Variants in PCDHGB2 observed in about 807,000 individuals in gnomAD.
The protein encoded by PCDHGB2 is protocadherin gamma-B2.
In PCDHGB2, 55 loss-of-function variants were observed where a neutral mutation model predicts 59.3. That is an observed-to-expected ratio of 0.93 (90% CI 0.75 to 1.16). The LOEUF (loss-of-function observed/expected upper bound fraction) is 1.16, where lower values mean the gene tolerates loss of function less well. PCDHGB2 is among the 50% of genes most tolerant of loss of function. The pLI, the probability that PCDHGB2 is intolerant of heterozygous loss-of-function variation, is 0.00. For missense variants in PCDHGB2, 1,228 were observed against 1,198.5 expected (o/e 1.02, Z -0.36); for synonymous variants, 516 against 512.0 (o/e 1.01, Z -0.11).
rs575694126 is a variant in PCDHGB2 at position 141,399,993 on chromosome 5, G to A, written c.2421+37437G>A. 3.1e-5 allele frequency: 50 copies of A among 1,612,336 alleles called. 1 individual carries two copies. Among genetic ancestry groups the A allele is most frequent in the Middle Eastern group, 1.8e-4 (1 of 5,462 alleles). On this transcript the variant is annotated intron_variant, in intron 1 of 3. Transcript: ENST00000522605. ...GCCTGGGGCTGCGCACAGGAGAGGT[G>A]CGCACAGCGCGTGCCTTGGGCGACA...
intron 1 of PCDHGB2, chr5:141,376,743 G>A (rs894394205): frequency 9.7e-5 from 48 of 493,300 alleles, no homozygotes; most frequent in Non-Finnish European, 1.5e-4. Flanking sequence ...GCGGACTGCA[G>A]TGGCGCAATC....
intron 2 of PCDHGB2, among the ~76,000 whole-genome samples, chr5:141,503,518 G>A (rs576791899): frequency 6.7e-6 from 1 of 149,524 alleles, no homozygotes; most frequent in East Asian, 2.0e-4. Flanking sequence ...AGAATCACTT[G>A]AACCTGGGAG....
At chr5:141,418,641 T>C in intron 1 of PCDHGB2, 3 of 1,614,028 alleles carry the variant, frequency 1.9e-6, no homozygotes, top group Non-Finnish European at 2.5e-6. Flanking sequence ...GGCACCTCCA[T>C]CCTGAGAGTG....
At chr5:141,495,974 CTCTT>C (rs1562171251) in intron 2 of PCDHGB2, among the ~76,000 whole-genome samples, 2 of 152,032 alleles carry the variant, frequency 1.3e-5, no homozygotes, top group Non-Finnish European at 1.5e-5. Context: ...TTCTCTGTTA[CTCTT>C]TCTTTATCTC....
At chr5:141,366,160 G>T in intron 1 of PCDHGB2, 1 of 1,614,118 alleles carries the variant, frequency 6.2e-7, no homozygotes, top group Non-Finnish European at 8.5e-7. Flanking sequence ...GCCTGCTTAA[G>T]GCCAGCGAGC....
At chr5:141,389,542 G>C in intron 1 of PCDHGB2, 1 of 1,613,198 alleles carries the variant, frequency 6.2e-7, no homozygotes, top group Non-Finnish European at 8.5e-7. Flanking sequence ...GTGGACGACC[G>C]CAACGACAAT....
At chr5:141,392,632 C>A in intron 1 of PCDHGB2, 1 of 610,258 alleles carries the variant, frequency 1.6e-6, no homozygotes, top group Non-Finnish European at 2.7e-6. Context: ...ACTCAGATCT[C>A]ACACCTCACG....
chr5:141,399,002 C>A (rs1415503184), intron 1 of PCDHGB2: 2 of 1,613,830 alleles, frequency 1.2e-6, no homozygotes, highest in South Asian at 2.2e-5. Flanking sequence ...AGTCTGAATT[C>A]AAAGAGCGGA....
At chr5:141,399,937 G>C in intron 1 of PCDHGB2, 1 of 1,612,360 alleles carries the variant, frequency 6.2e-7, no homozygotes, top group African/African-American at 1.3e-5. Flanking sequence ...GTCCTACCAC[G>C]TGCTGCAGGC....
chr5:141,438,638 A>G (rs1192725978), intron 1 of PCDHGB2, among the ~76,000 whole-genome samples: 1 of 22,806 alleles, frequency 4.4e-5, no homozygotes, highest in East Asian at 1.6e-3. Flanking sequence ...ATATATATAC[A>G]CACACACACA....
Position 141,360,940 on chromosome 5 carries a change from C to T in PCDHGB2, c.805C>T (p.Arg269Trp). The change falls in exon 1 of 4, where the codon CGG becomes TGG. Residue 269 changes from arginine (R) to tryptophan (W), a missense_variant. Arg to Trp is a moderately radical substitution (Grantham distance 101). Around this residue, in one of 3 missense-constraint regions of PCDHGB2, gnomAD observed 781 missense variants for 721.6 expected, o/e 1.08. Coordinates refer to ENST00000522605, the MANE Select transcript of PCDHGB2 (RefSeq NM_018923.3). ...TGTGCTTCAAGTGACAGCCACCGAC[C>T]GGGATGAAGGCATAAACGCAGAGAT... ...FFVLQVTATD[R>W]DEGINAEITY... is the part of the protein sequence containing the mutation. The T allele has an allele frequency of 3.1e-6, 5 of 1,613,890 alleles. No homozygotes were observed. The highest frequency in any genetic ancestry group is 4.2e-6 in the Non-Finnish European group (5 of 1,179,884).
At chr5:141,375,623 C>G in intron 1 of PCDHGB2, 5 of 1,614,244 alleles carry the variant, frequency 3.1e-6, no homozygotes, top group Non-Finnish European at 3.4e-6. Flanking sequence ...CACTGGGATT[C>G]TGTACGCCCT....
intron 1 of PCDHGB2, chr5:141,410,024 G>A (rs771946302): frequency 1.9e-6 from 3 of 1,613,164 alleles, no homozygotes; most frequent in South Asian, 1.1e-5. Context: ...GTCCTACCAC[G>A]TGCTGCAGGC....
chr5:141,483,501 G>T (rs1022338958), intron 1 of PCDHGB2, among the ~76,000 whole-genome samples: 1 of 150,394 alleles, frequency 6.6e-6, no homozygotes, highest in Non-Finnish European at 1.5e-5. Flanking sequence ...ATGAGTCAAG[G>T]CTGATCCCCC....
chr5:141,363,266 T>C (rs1308915609), intron 1 of PCDHGB2, among the ~76,000 whole-genome samples: 5 of 152,268 alleles, frequency 3.3e-5, no homozygotes, highest in African/African-American at 1.2e-4. Context: ...CTTAAAACTT[T>C]GCTTTTGAAT....
chr5:141,510,852 G>A (rs2099883073), intron 3 of PCDHGB2, 95 bp from the exon 4 acceptor site: 2 of 1,601,096 alleles, frequency 1.2e-6, no homozygotes, highest in Non-Finnish European at 1.7e-6. Flanking sequence ...GGCCCAGGGT[G>A]CTGTATAGGC....
Position 141,476,374 on chromosome 5 carries a change from G to A in PCDHGB2, c.2422-18433G>A. 1.2e-6 allele frequency: 2 copies of A among 1,614,178 alleles called. No individual in the cohort carries two copies. Among genetic ancestry groups the A allele is most frequent in the Non-Finnish European group, 1.7e-6 (2 of 1,180,044 alleles). On this transcript the variant is annotated intron_variant, in intron 1 of 3. Transcript: ENST00000522605. This position sits in a 1 kb window ranked among gnomAD's most constrained non-coding sequence, Gnocchi z 7.6. ...AGGTGAACCGGGAGACCGGAGAGATGTTTGTGAACGACCGTCTGGATCGAG... is the reference window on the plus strand; with the variant it reads ...AGGTGAACCGGGAGACCGGAGAGATATTTGTGAACGACCGTCTGGATCGAG...
At chr5:141,388,939 A>G in intron 1 of PCDHGB2, 1 of 1,613,984 alleles carries the variant, frequency 6.2e-7, no homozygotes, top group Non-Finnish European at 8.5e-7. Flanking sequence ...TCTCTACCCA[A>G]CCTAATTATG....
rs1254680765 is a variant in PCDHGB2 at position 141,491,399 on chromosome 5, A to G, written c.2422-3408A>G. ...CTGTCAGCGAAGTGCCTTCAGGGAA[A>G]CGCAGACGGGGACGGGGGTGGAGGG... On this transcript the variant is annotated intron_variant, in intron 1 of 3. Transcript: ENST00000522605. This position sits in a 1 kb window ranked among gnomAD's most constrained non-coding sequence, Gnocchi z 6.9. 3 of 1,613,998 alleles carry G rather than the reference A, an allele frequency of 1.9e-6. No homozygotes were observed. Among genetic ancestry groups the G allele is most frequent in the Non-Finnish European group, 2.5e-6 (3 of 1,180,028 alleles).
Sources: allele counts gnomAD v4.1 joint callset (sites outside exome capture counted in the v4.1 genomes callset), GRCh38; gene constraint gnomAD v4.1.1; regional missense constraint gnomAD v4.1.1; non-coding constraint Gnocchi (gnomAD v3.1); transcripts MANE v1.5; gene names NCBI Gene and HGNC (gene_info 2026-07-23, HGNC 2026-07-21).